CDYL2: variants seen among roughly 807,000 people sequenced by gnomAD.
The protein encoded by CDYL2 is chromodomain Y like 2.
A neutral mutation model predicts 49.4 loss-of-function variants in CDYL2; 23 were observed. The observed-to-expected ratio is 0.47, with a 90% CI of 0.34 to 0.66. The LOEUF is 0.66. Among genes scored for constraint, CDYL2 ranks in the 30% least tolerant of loss-of-function variants. The pLI is 0.01. For synonymous variants in CDYL2, 360 were observed against 268.8 expected (o/e 1.34, Z -3.32); for missense variants, 678 against 656.4 (o/e 1.03, Z -0.36).
chr16:80,755,944 G>A (rs1906296152), intron 1 of CDYL2, among the ~76,000 whole-genome samples: 1 of 152,134 alleles, frequency 6.6e-6, no homozygotes, highest in Non-Finnish European at 1.5e-5. Flanking sequence ...TATACCCTTA[G>A]TCATTTAGGA....
chr16:80,604,514 G>C lies in CDYL2; in HGVS notation c.1395C>G (p.Ser465Arg). The change falls in exon 7 of 7, where the codon AGC (serine) becomes AGG (arginine). Residue 465 changes from serine to arginine, a missense_variant. Physicochemically the swap from Ser to Arg is moderately radical, Grantham distance 110 (BLOSUM62 -1). Transcript: ENST00000570137. ...VLEESKCLVR[S>R]FLKSVLEDVN... ...CGTCTTCCAGCACTGATTTCAGGAAGCTCCGCACGAGGCATTTGGACTCCT... is the reference window on the plus strand; with the variant it reads ...CGTCTTCCAGCACTGATTTCAGGAACCTCCGCACGAGGCATTTGGACTCCT... The C allele has an allele frequency of 1.2e-6, 2 of 1,614,200 alleles. No homozygotes were observed. Among genetic ancestry groups the C allele is most frequent in the Non-Finnish European group, 1.7e-6 (2 of 1,180,032 alleles).
rs140788578 is a variant in CDYL2, at chr16:80,649,896, A to C, written c.617-16660T>G. ...AGCTTCTTCAATAAATGGTGCTAGA[A>C]AAACTGAATATCCATATTCAGAAGA... On this transcript the variant is annotated intron_variant, in intron 2 of 6. Transcript: ENST00000570137. Among the ~76,000 whole-genome samples the C allele has an allele frequency of 2.6e-3, 389 of 152,242 alleles. 1 individual carries two copies. The highest frequency in any genetic ancestry group is 8.8e-3 in the African/African-American group (365 of 41,500).
chr16:80,693,970 A>G (rs778055096), intron 1 of CDYL2, among the ~76,000 whole-genome samples: 2 of 152,248 alleles, frequency 1.3e-5, no homozygotes, highest in Non-Finnish European at 2.9e-5. Flanking sequence ...GTAACTTTAG[A>G]AAACTGTGTT....
At chr16:80,801,114 G>T (rs186495409) in intron 1 of CDYL2, among the ~76,000 whole-genome samples, 1 of 152,296 alleles carries the variant, frequency 6.6e-6, no homozygotes, top group East Asian at 1.9e-4. Context: ...ATGTTTAGCC[G>T]AATATAGACC....
chr16:80,626,367 A>T (rs1033854921), intron 3 of CDYL2, among the ~76,000 whole-genome samples: 3 of 151,928 alleles, frequency 2.0e-5, no homozygotes, highest in African/African-American at 7.3e-5. Context: ...GATATTCATT[A>T]ATTTGAGGGC....
At position 80,684,948 on chromosome 16, in the gene CDYL2, C is replaced by T; in HGVS notation, c.206G>A (p.Gly69Glu). 1 of 1,614,164 alleles carries T rather than the reference C, an allele frequency of 6.2e-7. No homozygotes were observed. The highest frequency in any genetic ancestry group is 8.5e-7 in the Non-Finnish European group (1 of 1,180,044). ...HMSKDKRIKSGKQSSTSKLLR... is the reference protein window; with the variant it reads ...HMSKDKRIKSEKQSSTSKLLR... ...CAGCTTGGAGGTACTGGACTGCTTC[C>T]CTGACTTGATCCTCTTGTCCTTGGA... The change falls in exon 2 of 7, where the codon GGG becomes GAG. Residue 69 changes from glycine (G) to glutamate (E), a missense_variant. This residue lies in a region of CDYL2 where 478 missense variants were observed against 427.0 expected (regional missense o/e 1.12). Transcript: ENST00000570137.
At position 80,669,188 on chromosome 16, in the gene CDYL2, T is replaced by C. The variant is rs372507604; in HGVS notation, c.616+15350A>G. Among the ~76,000 whole-genome samples, 6 of 151,926 alleles carry C rather than the reference T, an allele frequency of 3.9e-5. No homozygotes were observed. The East Asian group carries it at 1.2e-3, about 30-fold the overall frequency. ...GTAAAGGAGAAGAGTCAATAGTGGG[T>C]GCCACATTTCTGCACACTGGAAGGT... On this transcript the variant is annotated intron_variant, in intron 2 of 6. Transcript: ENST00000570137.
intron 2 of CDYL2, among the ~76,000 whole-genome samples, chr16:80,642,914 G>A (rs1908165919): frequency 6.6e-6 from 1 of 151,974 alleles, no homozygotes; most frequent in Non-Finnish European, 1.5e-5. Flanking sequence ...TCCACCCCCA[G>A]CCCCTCCAAA....
At chr16:80,764,469 G>C (rs1407000551) in intron 1 of CDYL2, among the ~76,000 whole-genome samples, 2 of 151,728 alleles carry the variant, frequency 1.3e-5, no homozygotes, top group Non-Finnish European at 2.9e-5. Flanking sequence ...CCAATGGGAG[G>C]ACAGGAAAAA....
intron 1 of CDYL2, among the ~76,000 whole-genome samples, chr16:80,751,172 C>A (rs1906123420): frequency 6.6e-6 from 1 of 152,102 alleles, no homozygotes; most frequent in East Asian, 1.9e-4. Flanking sequence ...GAAAACAAAA[C>A]CAAAAACTTT....
intron 2 of CDYL2, among the ~76,000 whole-genome samples, chr16:80,637,355 A>C (rs1190851643): frequency 6.6e-6 from 1 of 152,170 alleles, no homozygotes; most frequent in Non-Finnish European, 1.5e-5. Flanking sequence ...AATAAGAAAA[A>C]GATGTTCTCT....
rs1906068455 is a variant in CDYL2, at chr16:80,601,221, C to G, written c.*3167G>C. On this transcript the variant is annotated 3_prime_UTR_variant, in exon 7 of 7. Coordinates refer to ENST00000570137, the MANE Select transcript of CDYL2 (RefSeq NM_152342.4). ...TCTTCTTGGAACAGGGTTGTTAACT[C>G]AGATGGTCCCATAAGATGCTGAGAG... 6.6e-6 allele frequency: 1 copy of G among 152,186 alleles called. No individual in the cohort carries two copies. Among genetic ancestry groups the G allele is most frequent in the Non-Finnish European group, 1.5e-5 (1 of 68,058 alleles). 9.4% of individuals were successfully genotyped at this position (152,186 alleles called of 1,614,324 possible).
intron 1 of CDYL2, among the ~76,000 whole-genome samples, chr16:80,705,321 C>T (rs1453205486): frequency 6.6e-6 from 1 of 152,232 alleles, no homozygotes; most frequent in Non-Finnish European, 1.5e-5. Flanking sequence ...CCTGTCTTCA[C>T]TCTGGCCAAA....
At chr16:80,733,324 A>C (rs1341906940) in intron 1 of CDYL2, among the ~76,000 whole-genome samples, 1 of 152,230 alleles carries the variant, frequency 6.6e-6, no homozygotes, top group Non-Finnish European at 1.5e-5. Context: ...GCGGTCAGGG[A>C]TGGAATGAGT....
At chr16:80,669,378 G>T (rs186141816) in intron 2 of CDYL2, among the ~76,000 whole-genome samples, 6 of 152,234 alleles carry the variant, frequency 3.9e-5, no homozygotes, top group Admixed American at 2.0e-4. Flanking sequence ...TGCCCTCACT[G>T]TAAGACTCAG....
chr16:80,662,671 CA>C (rs1191497393), intron 2 of CDYL2: 3 of 452,374 alleles, frequency 6.6e-6, no homozygotes, highest in Non-Finnish European at 8.9e-6. Context: ...TTGTCTAATA[CA>C]GTAGGTGGAA....
rs1335770215 is a variant in CDYL2 at position 80,603,573 on chromosome 16, A to G, written c.*815T>C. The G allele has an allele frequency of 6.6e-6, 1 of 152,576 alleles. No homozygotes were observed. Among genetic ancestry groups the G allele is most frequent in the Non-Finnish European group, 1.5e-5 (1 of 68,040 alleles). 9.5% of individuals were successfully genotyped at this position (152,576 alleles called of 1,614,324 possible). On this transcript the variant is annotated 3_prime_UTR_variant, in exon 7 of 7. Coordinates refer to ENST00000570137, the MANE Select transcript of CDYL2 (RefSeq NM_152342.4). ...ACATGGTTCATTGCTAGAATGCACC[A>G]AACGGCATGAACCTTGTGTGGGATT...
At chr16:80,735,196 C>A (rs1444412672) in intron 1 of CDYL2, 3 of 152,106 alleles carry the variant, frequency 2.0e-5, no homozygotes, top group Admixed American at 2.0e-4. Context: ...TGAGATGAAC[C>A]ACAAAAGTGA....
chr16:80,671,119 G>C (rs996382721), intron 2 of CDYL2, among the ~76,000 whole-genome samples: 1 of 152,080 alleles, frequency 6.6e-6, no homozygotes, highest in Non-Finnish European at 1.5e-5. Flanking sequence ...TGTTTCTCTG[G>C]AGTCACCCAC....
Sources: gnomAD v4.1 joint callset for allele counts (sites outside exome capture counted in the v4.1 genomes callset) on GRCh38, gnomAD v4.1.1 for gene constraint, gnomAD v4.1.1 regional missense constraint, MANE v1.5 for transcripts, NCBI Gene and HGNC (gene_info 2026-07-23, HGNC 2026-07-21) for gene names.